Variants in MBNL2 observed in about 807,000 individuals in gnomAD.
MBNL2 encodes the protein muscleblind like splicing regulator 2.
MBNL2 carries 17 observed loss-of-function variants against 41.9 expected under a neutral mutation model. The observed-to-expected ratio is 0.41, with a 90% CI of 0.28 to 0.61. MBNL2 has a LOEUF of 0.61. Ranked by LOEUF, MBNL2 falls within the 20% of genes least tolerant of loss-of-function variation. The pLI is 0.35. For synonymous variants in MBNL2, 195 were observed against 182.9 expected, an observed-to-expected ratio of 1.07 and a Z score of -0.53; for missense variants, 336 against 505.6, an observed-to-expected ratio of 0.66 and a Z score of 3.22.
At chr13:97,349,159 T>G (rs777851210) in intron 5 of MBNL2, among the ~76,000 whole-genome samples, 31 of 149,350 alleles carry the variant, frequency 2.1e-4, no homozygotes, top group Admixed American at 3.3e-4. Context: ...TTTTGCTGAG[T>G]GTGAATTCCT....
At chr13:97,236,591 C>T (rs889789726) in intron 1 of MBNL2, among the ~76,000 whole-genome samples, 45 of 148,424 alleles carry the variant, frequency 3.0e-4, no homozygotes, top group South Asian at 6.4e-4. Context: ...AGATAAAGTT[C>T]GTGGGAAGGT....
At chr13:97,174,277 C>G in the MBNL2 span, among the ~76,000 whole-genome samples, 1 of 152,158 alleles carries the variant, frequency 6.6e-6, no homozygotes, top group Non-Finnish European at 1.5e-5. Context: ...TACAGCCATA[C>G]TTTTCAGTAC....
At position 97,279,271 on chromosome 13, in the gene MBNL2, T is replaced by A. The variant is rs74109429; in HGVS notation, c.174+2862T>A. 2.6e-3 allele frequency among the ~76,000 whole-genome samples: 389 copies of A among 152,364 alleles called. 1 individual carries two copies. The highest frequency in any genetic ancestry group is 8.8e-3 in the African/African-American group (368 of 41,588). Reference sequence around the variant, plus strand: ...GGCTTGACTAAGCCTGGCTGGGACCTAGGCAAGCTTCATTACTTGGGACGA... The same window carrying A: ...GGCTTGACTAAGCCTGGCTGGGACCAAGGCAAGCTTCATTACTTGGGACGA... On this transcript the variant is annotated intron_variant, in intron 2 of 8. Coordinates refer to ENST00000679496, the MANE Select transcript of MBNL2 (RefSeq NM_001382683.1).
intron 8 of MBNL2, among the ~76,000 whole-genome samples, chr13:97,372,966 T>G (rs1036792931): frequency 6.6e-5 from 10 of 152,210 alleles, no homozygotes; most frequent in Non-Finnish European, 1.3e-4. Context: ...TGACCCATTT[T>G]GGGGCCTGCA....
intron 2 of MBNL2, among the ~76,000 whole-genome samples, chr13:97,297,107 A>G (rs1566401082): frequency 6.6e-6 from 1 of 152,300 alleles, no homozygotes; most frequent in East Asian, 1.9e-4. Context: ...CCTTCTGCAC[A>G]TTCATTTTCT....
At chr13:97,359,914 C>T (rs1028592710) in intron 7 of MBNL2, among the ~76,000 whole-genome samples, 3 of 152,108 alleles carry the variant, frequency 2.0e-5, no homozygotes, top group African/African-American at 4.8e-5. Flanking sequence ...TAATCTTTCT[C>T]CCGCTTAAAC....
the MBNL2 span, among the ~76,000 whole-genome samples, chr13:97,155,211 T>C: frequency 6.6e-6 from 1 of 152,074 alleles, no homozygotes; most frequent in Non-Finnish European, 1.5e-5. Flanking sequence ...GTTGGAAATA[T>C]GTTTTCCATT....
In MBNL2 at chr13:97,353,260, A is replaced by G. The variant is rs1456311093; in HGVS notation, c.805-3536A>G. On this transcript the variant is annotated intron_variant, in intron 5 of 8. Transcript: ENST00000679496. ...AACAAAAGCCAGGTTCTTTCTGACA[A>G]TGACATGAAAATTACTGAATCTGTC... Among the ~76,000 whole-genome samples the G allele has an allele frequency of 2.6e-5, 4 of 152,344 alleles. No individual in the cohort carries two copies. In the East Asian group the frequency reaches 7.7e-4, roughly 29 times the overall value.
the MBNL2 span, among the ~76,000 whole-genome samples, chr13:97,215,659 TAACTTTTC>T: frequency 2.0e-5 from 3 of 152,246 alleles, no homozygotes; most frequent in African/African-American, 7.2e-5. Flanking sequence ...TATTTTGCAT[TAACTTTTC>T]ATATAACTCC....
chr13:97,208,390 C>T, the MBNL2 span, among the ~76,000 whole-genome samples: 1 of 152,162 alleles, frequency 6.6e-6, no homozygotes, highest in African/African-American at 2.4e-5. Flanking sequence ...AGGCAGGGGA[C>T]AACATACCTC....
At chr13:97,311,246 A>G (rs968690847) in intron 2 of MBNL2, among the ~76,000 whole-genome samples, 2 of 152,242 alleles carry the variant, frequency 1.3e-5, no homozygotes, top group Admixed American at 6.5e-5. Flanking sequence ...CAATGCCGGC[A>G]TTGTAAACAG....
the MBNL2 span, among the ~76,000 whole-genome samples, chr13:97,174,377 C>T: frequency 2.0e-5 from 3 of 152,270 alleles, no homozygotes; most frequent in African/African-American, 7.2e-5. Context: ...CTACTCGCTC[C>T]TCCAAACCAA....
At chr13:97,357,897 G>A (rs1478878506) in intron 7 of MBNL2, among the ~76,000 whole-genome samples, 2 of 152,084 alleles carry the variant, frequency 1.3e-5, no homozygotes, top group African/African-American at 2.4e-5. Flanking sequence ...TTGGTTTCTT[G>A]TATTTGCACA....
chr13:97,143,979 G>A, the MBNL2 span, among the ~76,000 whole-genome samples: 1 of 152,096 alleles, frequency 6.6e-6, no homozygotes, highest in African/African-American at 2.4e-5. Context: ...GAGTAGCTGG[G>A]ATTACAGGCT....
At chr13:97,280,641 T>A (rs866962682) in intron 2 of MBNL2, among the ~76,000 whole-genome samples, 12 of 152,158 alleles carry the variant, frequency 7.9e-5, no homozygotes, top group Admixed American at 7.9e-4. Context: ...CTAGGCCCTG[T>A]GAGATCTGCT....
intron 2 of MBNL2, among the ~76,000 whole-genome samples, chr13:97,288,287 T>A (rs769898855): frequency 2.6e-5 from 4 of 152,188 alleles, no homozygotes; most frequent in African/African-American, 4.8e-5. Flanking sequence ...ACTCACTCAT[T>A]TGAGTCATAC....
At chr13:97,213,012 GT>G in the MBNL2 span, among the ~76,000 whole-genome samples, 1 of 152,188 alleles carries the variant, frequency 6.6e-6, no homozygotes, top group African/African-American at 2.4e-5. Context: ...AAAGGCTACT[GT>G]GAAGATCTGG....
rs538498133 is a variant in MBNL2 at position 97,224,628 on chromosome 13, CAAAAAAAAAA to C, written c.-605+2112_-605+2121del. 8.5e-4 allele frequency among the ~76,000 whole-genome samples: 91 copies of C among 107,432 alleles called. 4 individuals are homozygous for C. The South Asian group carries it at 0.022, about 26-fold the overall frequency. The allele number at this position is 107,432 out of a possible 152,430, so 70.5% of individuals were successfully genotyped here. On this transcript the variant is annotated intron_variant, in intron 1 of 8. Coordinates refer to ENST00000679496, the MANE Select transcript of MBNL2 (RefSeq NM_001382683.1). Reference sequence around the variant, plus strand: ...GCATTTTGAGACCTTGACCTTTTACCAAAAAAAAAAAAAAAAAAAAAAAAGTTGTTTGTCT... The same window carrying C: ...GCATTTTGAGACCTTGACCTTTTACCAAAAAAAAAAAAAAGTTGTTTGTCT...
intron 2 of MBNL2, among the ~76,000 whole-genome samples, chr13:97,333,006 G>A (rs1004581041): frequency 2.6e-5 from 4 of 152,192 alleles, no homozygotes; most frequent in African/African-American, 9.6e-5. Context: ...AAACTCCAGA[G>A]AGGAAGTCTG....
Sources: gnomAD v4.1 joint callset for allele counts (sites outside exome capture counted in the v4.1 genomes callset) on GRCh38, gnomAD v4.1.1 for gene constraint, MANE v1.5 for transcripts, NCBI Gene and HGNC (gene_info 2026-07-23, HGNC 2026-07-21) for gene names.